The following RAB17 variants were observed in gnomAD, a reference collection of about 807,000 sequenced individuals.
RAB17 encodes RAB17, member RAS oncogene family.
A neutral mutation model predicts 19.3 loss-of-function variants in RAB17; 15 were observed. That is an observed-to-expected ratio of 0.78 (90% CI 0.52 to 1.20). The LOEUF (loss-of-function observed/expected upper bound fraction) is 1.20, where lower values mean the gene tolerates loss of function less well. Ranked by LOEUF, RAB17 falls within the 50% of genes most tolerant of loss-of-function variation. The probability of loss-of-function intolerance (pLI) is 0.00; values close to 1 mark genes in which losing one functional copy is unlikely to be tolerated. For missense variants in RAB17, 262 were observed against 269.3 expected, an observed-to-expected ratio of 0.97 and a Z score of 0.19; for synonymous variants, 110 against 112.8, an observed-to-expected ratio of 0.97 and a Z score of 0.16.
At chr2:237,580,411 T>A (rs1218173199) in intron 2 of RAB17, among the ~76,000 whole-genome samples, 6 of 152,324 alleles carry the variant, frequency 3.9e-5, no homozygotes, top group Non-Finnish European at 1.5e-5. Context: ...CATTTACCAA[T>A]CTTAGCCTCT....
intron 2 of RAB17, among the ~76,000 whole-genome samples, chr2:237,584,547 G>A (rs2081333339): frequency 6.6e-6 from 1 of 152,166 alleles, no homozygotes; most frequent in South Asian, 2.1e-4. Flanking sequence ...AAGAGGTAGA[G>A]TTGTGTCTCC....
At chr2:237,586,913 T>C (rs2081355111) in intron 1 of RAB17, among the ~76,000 whole-genome samples, 1 of 151,710 alleles carries the variant, frequency 6.6e-6, no homozygotes, top group Admixed American at 6.6e-5. Flanking sequence ...CCAGGCATTC[T>C]ATCATCTGCA....
At chr2:237,587,782 C>T (rs547595850) in intron 1 of RAB17, among the ~76,000 whole-genome samples, 19 of 150,718 alleles carry the variant, frequency 1.3e-4, no homozygotes, top group East Asian at 1.2e-3. Context: ...ATGATGCTGG[C>T]TTCAGAGACG....
At chr2:237,576,804 AT>A in intron 4 of RAB17, 1 of 456,014 alleles carries the variant, frequency 2.2e-6, no homozygotes, top group Non-Finnish European at 4.6e-6. Flanking sequence ...AGGAGGCTAC[AT>A]TTGCACAGAA....
In RAB17 at chr2:237,574,617, G is replaced by A; in HGVS notation, c.*402C>T. 1.3e-6 allele frequency: 2 copies of A among 1,528,368 alleles called. No homozygotes were observed. Among genetic ancestry groups the A allele is most frequent in the South Asian group, 1.2e-5 (1 of 80,404 alleles). The allele number at this position is 1,528,368 out of a possible 1,614,324, so 94.7% of individuals were successfully genotyped here. A position where few individuals can be genotyped will look rare whatever the true frequency, so the allele number is the denominator to read the frequency against. On this transcript the variant is annotated 3_prime_UTR_variant, in exon 6 of 6. Transcript: ENST00000264601. Reference sequence around the variant, plus strand: ...CTGCTCCCCAACCCCCCAGAAGCAGGTGGGCCCAGGCTCCAGGCCAGTGCC... The same window carrying A: ...CTGCTCCCCAACCCCCCAGAAGCAGATGGGCCCAGGCTCCAGGCCAGTGCC...
chr2:237,589,418 CA>C (rs2081375762), intron 1 of RAB17, among the ~76,000 whole-genome samples: 1 of 152,062 alleles, frequency 6.6e-6, no homozygotes, highest in African/African-American at 2.4e-5. Context: ...TACTTAATAC[CA>C]AAGGCAGTCT....
intron 2 of RAB17, 130 bp from the exon 3 acceptor site, chr2:237,578,285 C>G (rs115723518): frequency 1.2e-6 from 1 of 859,008 alleles, no homozygotes; most frequent in Non-Finnish European, 1.8e-6. Context: ...CTCCCACGCC[C>G]GCATGGCCAG....
At chr2:237,579,950 T>C (rs142977885) in intron 2 of RAB17, among the ~76,000 whole-genome samples, 193 of 152,306 alleles carry the variant, frequency 1.3e-3, no homozygotes, top group African/African-American at 3.7e-3. Context: ...ATCCAGACAG[T>C]AGGACCAGTG....
intron 1 of RAB17, among the ~76,000 whole-genome samples, chr2:237,589,720 A>G (rs112839825): frequency 1.7e-3 from 260 of 152,348 alleles, no homozygotes; most frequent in Non-Finnish European, 3.1e-3. Context: ...AGATGTTATT[A>G]GGTTGTTGAA....
intron 2 of RAB17, chr2:237,578,366 A>C: frequency 4.0e-6 from 2 of 505,766 alleles, no homozygotes; most frequent in Admixed American, 3.4e-5. Flanking sequence ...AGTGATTGCT[A>C]TGGGGCCTTT....
chr2:237,575,003 C>T lies in RAB17; in HGVS notation c.*16G>A. On this transcript the variant is annotated 3_prime_UTR_variant, in exon 6 of 6. Coordinates refer to ENST00000264601, the MANE Select transcript of RAB17 (RefSeq NM_022449.4). ...GCAGGGGGTGTCTTCCCCACAGCCC[C>T]CAGGAGTGGCTGCACCTAGTGGGCG... 3 of 1,588,002 alleles carry T rather than the reference C, an allele frequency of 1.9e-6. No individual in the cohort carries two copies. The highest frequency in any genetic ancestry group is 1.7e-6 in the Non-Finnish European group (2 of 1,163,060).
At chr2:237,583,522 C>G (rs1200611212) in intron 2 of RAB17, among the ~76,000 whole-genome samples, 1 of 152,216 alleles carries the variant, frequency 6.6e-6, no homozygotes, top group African/African-American at 2.4e-5. Context: ...ACCCCGCAAC[C>G]CGGCACAGCT....
chr2:237,587,794 A>G (rs1271914987), intron 1 of RAB17, among the ~76,000 whole-genome samples: 1 of 151,936 alleles, frequency 6.6e-6, no homozygotes, highest in Admixed American at 6.6e-5. Flanking sequence ...TCAGAGACGG[A>G]TAAAAAACAT....
chr2:237,589,434 C>A (rs2081375863), intron 1 of RAB17, among the ~76,000 whole-genome samples: 1 of 152,208 alleles, frequency 6.6e-6, no homozygotes. Context: ...CAGTCTCACA[C>A]ATTGCTTCAA....
At chr2:237,584,249 G>A (rs755978772) in intron 2 of RAB17, among the ~76,000 whole-genome samples, 11 of 151,972 alleles carry the variant, frequency 7.2e-5, no homozygotes, top group Non-Finnish European at 1.3e-4. Flanking sequence ...GGCTGAGCAC[G>A]TCCAAGCACG....
chr2:237,575,127 G>A lies in RAB17; in HGVS notation c.531C>T (p.Ala177=). 1.2e-6 allele frequency: 2 copies of A among 1,612,030 alleles called. No individual in the cohort carries two copies. The highest frequency in any genetic ancestry group is 1.7e-6 in the Non-Finnish European group (2 of 1,178,934). ...CGTCGCTTCTCTGCAGTAGCTCTTGGGCTGTGAACAGCAAGAGGAGGGGGC... is the reference window on the plus strand; with the variant it reads ...CGTCGCTTCTCTGCAGTAGCTCTTGAGCTGTGAACAGCAAGAGGAGGGGGC... ...HQVSEVFNTV[A]QELLQRSDEE... The change falls in exon 6 of 6, where the codon GCC becomes GCT. Residue 177 remains alanine (A), a splice_region_variant and synonymous_variant. Coordinates refer to ENST00000264601, the MANE Select transcript of RAB17 (RefSeq NM_022449.4).
chr2:237,576,495 T>TC (rs150002050), intron 4 of RAB17: 7,201 of 447,120 alleles, frequency 0.016, 141 homozygotes, highest in South Asian at 0.05. Context: ...CCCCTTGCTC[T>TC]CCCCCGAGAT....
intron 1 of RAB17, among the ~76,000 whole-genome samples, chr2:237,588,489 C>T (rs1237424962): frequency 6.6e-6 from 1 of 152,218 alleles, no homozygotes; most frequent in Non-Finnish European, 1.5e-5. Context: ...AGATGATCCG[C>T]TCAAGTCAGC....
chr2:237,577,135 A>ATGTGTAAG, intron 4 of RAB17, 122 bp downstream of exon 4: 9 of 1,214,424 alleles, frequency 7.4e-6, no homozygotes, highest in Non-Finnish European at 1.0e-5. Flanking sequence ...GTGTGTGCAC[A>ATGTGTAAG]TGTGTAAGTG....
Sources: gnomAD v4.1 joint callset for allele counts (sites outside exome capture counted in the v4.1 genomes callset) on GRCh38, gnomAD v4.1.1 for gene constraint, MANE v1.5 for transcripts, NCBI Gene and HGNC (gene_info 2026-07-23, HGNC 2026-07-21) for gene names.